TCF12: variants seen among roughly 807,000 people sequenced by gnomAD.
TCF12 encodes DNA-binding protein HTF4.
Under a neutral mutation model 86.0 loss-of-function variants are expected in TCF12, and 45 were observed. The observed-to-expected ratio is 0.52, with a 90% CI of 0.41 to 0.67. The LOEUF is 0.67. Among genes scored for constraint, TCF12 ranks in the 30% least tolerant of loss-of-function variants. The pLI is 0.00. For synonymous variants in TCF12, 330 were observed against 299.6 expected (o/e 1.10, Z -1.05); for missense variants, 881 against 859.9 (o/e 1.02, Z -0.31).
intron 4 of TCF12, among the ~76,000 whole-genome samples, chr15:57,079,578 C>A (rs2070447109): frequency 6.6e-6 from 1 of 152,152 alleles, no homozygotes; most frequent in South Asian, 2.1e-4. Flanking sequence ...TCTGGACACA[C>A]AAATAACCAC....
chr15:57,048,924 A>G (rs2067420276), intron 3 of TCF12, among the ~76,000 whole-genome samples: 1 of 152,172 alleles, frequency 6.6e-6, no homozygotes, highest in African/African-American at 2.4e-5. Context: ...CATGTAGAAG[A>G]TACAATGGAG....
chr15:57,180,200 C>T (rs762941635), intron 6 of TCF12, among the ~76,000 whole-genome samples: 13 of 151,908 alleles, frequency 8.6e-5, no homozygotes, highest in Admixed American at 4.6e-4. Context: ...TATTAAAGCC[C>T]AACATTTATT....
At chr15:57,096,033 A>G (rs1189627827) in intron 5 of TCF12, among the ~76,000 whole-genome samples, 4 of 152,172 alleles carry the variant, frequency 2.6e-5, no homozygotes, top group African/African-American at 9.7e-5. Context: ...TGCTGTTTCC[A>G]TTAGGCCACA....
upstream of TCF12, chr15:56,918,635 T>G (rs1248501383): frequency 5.0e-6 from 1 of 199,556 alleles, no homozygotes; most frequent in African/African-American, 2.4e-5. Context: ...CGCGGAGGGA[T>G]CCGGAGGCGA....
At chr15:57,159,836 A>G (rs1185784089) in intron 5 of TCF12, among the ~76,000 whole-genome samples, 13 of 152,350 alleles carry the variant, frequency 8.5e-5, no homozygotes, top group African/African-American at 3.1e-4. Flanking sequence ...ATACAAATAG[A>G]GAAGCTATTC....
At chr15:57,198,113 C>A (rs1170503782) in intron 8 of TCF12, among the ~76,000 whole-genome samples, 1 of 152,148 alleles carries the variant, frequency 6.6e-6, no homozygotes, top group East Asian at 1.9e-4. Flanking sequence ...AAGATGATCT[C>A]CTATGCAGGT....
intron 8 of TCF12, among the ~76,000 whole-genome samples, chr15:57,216,107 C>G (rs1291998863): frequency 1.3e-5 from 2 of 152,048 alleles, no homozygotes; most frequent in Non-Finnish European, 2.9e-5. Context: ...TTAATGACTA[C>G]TGGAATAGCA....
chr15:56,998,734 A>T (rs192417320), intron 3 of TCF12, among the ~76,000 whole-genome samples: 1 of 152,178 alleles, frequency 6.6e-6, no homozygotes, highest in South Asian at 2.1e-4. Flanking sequence ...GCAGCAGAAT[A>T]TACATTCTTT....
intron 6 of TCF12, among the ~76,000 whole-genome samples, chr15:57,185,582 A>G (rs2056620063): frequency 6.6e-6 from 1 of 152,200 alleles, no homozygotes; most frequent in Non-Finnish European, 1.5e-5. Flanking sequence ...GGAATCAACA[A>G]AATCAAAATT....
intron 4 of TCF12, among the ~76,000 whole-genome samples, chr15:57,081,813 C>A (rs1168489497): frequency 1.3e-5 from 2 of 152,176 alleles, no homozygotes; most frequent in African/African-American, 4.8e-5. Flanking sequence ...AAGTGATCCA[C>A]CAGCCTCAGC....
chr15:56,935,416 G>A (rs1268706469), intron 3 of TCF12, among the ~76,000 whole-genome samples: 26 of 152,066 alleles, frequency 1.7e-4, no homozygotes, highest in African/African-American at 4.6e-4. Context: ...TGCCCTCAGT[G>A]TATGTGTGTG....
intron 5 of TCF12, among the ~76,000 whole-genome samples, chr15:57,158,341 G>A (rs149375711): frequency 1.1e-4 from 17 of 152,102 alleles, no homozygotes; most frequent in Admixed American, 1.3e-4. Flanking sequence ...ACCATGCCCA[G>A]ATGATTTTTT....
intron 3 of TCF12, among the ~76,000 whole-genome samples, chr15:57,036,529 A>G (rs576134069): frequency 2.0e-5 from 3 of 152,252 alleles, no homozygotes; most frequent in East Asian, 1.9e-4. Context: ...TATCTCTTTA[A>G]TTATAGCCTG....
Position 57,042,117 on chromosome 15 carries a change from C to G in TCF12, c.149-21633C>G, listed in dbSNP as rs1475448042. 2.0e-5 allele frequency among the ~76,000 whole-genome samples: 3 copies of G among 151,858 alleles called. No homozygotes were observed. The East Asian group carries it at 5.8e-4, about 29-fold the overall frequency. On this transcript the variant is annotated intron_variant, in intron 3 of 20. Coordinates refer to ENST00000333725, the MANE Select transcript of TCF12 (RefSeq NM_207037.2). The stretch of plus-strand genomic sequence containing the variant: ...GTACCTTTTACCTTATTTTATTTTT[C>G]AATTTTTATTGTTTTTTTTGAGATG...
intron 8 of TCF12, among the ~76,000 whole-genome samples, chr15:57,201,196 C>T (rs2057526265): frequency 1.3e-5 from 2 of 151,964 alleles, no homozygotes; most frequent in African/African-American, 4.8e-5. Context: ...GCTTGGACAC[C>T]GAGAATTCAA....
intron 5 of TCF12, among the ~76,000 whole-genome samples, chr15:57,100,941 T>C (rs1342715946): frequency 6.6e-6 from 1 of 152,306 alleles, no homozygotes; most frequent in East Asian, 1.9e-4. Flanking sequence ...TTTAGTTATA[T>C]AGGTTTTTTT....
At chr15:57,132,339 G>A (rs1165832525) in intron 5 of TCF12, among the ~76,000 whole-genome samples, 3 of 152,138 alleles carry the variant, frequency 2.0e-5, no homozygotes, top group Non-Finnish European at 2.9e-5. Flanking sequence ...ATATCTACAA[G>A]TAAATACTTA....
intron 3 of TCF12, among the ~76,000 whole-genome samples, chr15:57,025,635 T>G (rs149105092): frequency 0.012 from 1,767 of 152,314 alleles, 32 homozygotes; most frequent in African/African-American, 0.04. Context: ...GAAATGCGCC[T>G]GGTCTCCAGA....
At chr15:56,946,454 C>G in intron 3 of TCF12, among the ~76,000 whole-genome samples, 1 of 152,016 alleles carries the variant, frequency 6.6e-6, no homozygotes, top group Non-Finnish European at 1.5e-5. Flanking sequence ...GATTGTCTTG[C>G]ATTTCTTTCC....
Sources: gnomAD v4.1 joint callset for allele counts (sites outside exome capture counted in the v4.1 genomes callset) on GRCh38, gnomAD v4.1.1 for gene constraint, MANE v1.5 for transcripts, NCBI Gene and HGNC (gene_info 2026-07-23, HGNC 2026-07-21) for gene names.